The following RAG1 variants were observed in gnomAD, a reference collection of about 807,000 sequenced individuals.
The protein encoded by RAG1 is V(D)J recombination-activating protein 1.
RAG1 carries 35 observed loss-of-function variants against 62.7 expected under a neutral mutation model. That is an observed-to-expected ratio of 0.56 (90% CI 0.43 to 0.74). The LOEUF (loss-of-function observed/expected upper bound fraction) is 0.74. RAG1 is among the 30% of genes least tolerant of loss of function. The pLI, the probability that RAG1 is intolerant of heterozygous loss-of-function variation, is 0.00. For synonymous variants in RAG1, 461 were observed against 470.3 expected, an observed-to-expected ratio of 0.98 and a Z score of 0.26; for missense variants, 1,169 against 1,278.6, an observed-to-expected ratio of 0.91 and a Z score of 1.31.
chr11:36,548,446 G>A (rs1782760070), intron 3 of RAG1, among the ~76,000 whole-genome samples: 1 of 152,058 alleles, frequency 6.6e-6, no homozygotes. Flanking sequence ...AAATCAATGT[G>A]CAAAAATCAC....
At chr11:36,571,930 A>G (rs932074116) in intron 1 of RAG1, among the ~76,000 whole-genome samples, 2 of 152,128 alleles carry the variant, frequency 1.3e-5, no homozygotes, top group Non-Finnish European at 2.9e-5. Flanking sequence ...CAAAACACCA[A>G]TTTCTGATGT....
downstream of RAG1, among the ~76,000 whole-genome samples, chr11:36,539,156 G>A (rs945387046): frequency 6.6e-6 from 1 of 152,178 alleles, no homozygotes; most frequent in Non-Finnish European, 1.5e-5. Flanking sequence ...GCGGTCATAA[G>A]GGTGGGGTCT....
intron 3 of RAG1, among the ~76,000 whole-genome samples, chr11:36,562,311 T>C (rs1850601902): frequency 6.6e-6 from 1 of 152,096 alleles, no homozygotes; most frequent in Non-Finnish European, 1.5e-5. Context: ...GGATTGTGAG[T>C]TCTTGAGATA....
chr11:36,575,558 A>G lies in RAG1; in HGVS notation c.2254A>G (p.Ser752Gly). 6.2e-7 allele frequency: 1 copy of G among 1,614,210 alleles called. No homozygotes were observed. The highest frequency in any genetic ancestry group is 8.5e-7 in the Non-Finnish European group (1 of 1,180,038). ...TCTTGTCTTCCACTCTATAACCAGA[A>G]GCCATGCTGAGAACCTGGAACGTTA... is the stretch of plus-strand genomic sequence containing the variant. The part of the protein sequence containing the change: ...QNLVFHSITR[S>G]HAENLERYEV... Residue 752 changes from serine to glycine, a missense_variant, in exon 2 of 2, where the codon AGC (serine) becomes GGC (glycine). Ser to Gly is a moderately conservative substitution (Grantham distance 56, BLOSUM62 0). This residue lies in a region of RAG1 where 800 missense variants were observed against 943.3 expected (regional missense o/e 0.85). Transcript: ENST00000299440. This position sits in a 1 kb window ranked among gnomAD's most constrained non-coding sequence, Gnocchi z 4.1.
At chr11:36,511,484 A>G (rs1457545409) in intron 1 of RAG1, among the ~76,000 whole-genome samples, 5 of 152,156 alleles carry the variant, frequency 3.3e-5, no homozygotes, top group Admixed American at 1.3e-4. Flanking sequence ...AATAAACCCA[A>G]AACTAGGACA....
chr11:36,536,579 T>G (rs1465592024), downstream of RAG1, among the ~76,000 whole-genome samples: 4 of 152,082 alleles, frequency 2.6e-5, no homozygotes, highest in Admixed American at 2.6e-4. Context: ...TTAATCGTAC[T>G]GTGCATAAAA....
At chr11:36,536,425 A>T (rs1860327575), downstream of RAG1, among the ~76,000 whole-genome samples, 1 of 152,114 alleles carries the variant, frequency 6.6e-6, no homozygotes, top group African/African-American at 2.4e-5. Context: ...GCTCTTAGGG[A>T]GGTATTTATA....
intron 3 of RAG1, among the ~76,000 whole-genome samples, chr11:36,545,150 A>C (rs1284121317): frequency 2.0e-5 from 3 of 152,198 alleles, no homozygotes; most frequent in Admixed American, 6.5e-5. Flanking sequence ...TTTTTTACAC[A>C]TATCTTTTTT....
upstream of RAG1, among the ~76,000 whole-genome samples, chr11:36,564,610 TCTC>T (rs1850635571): frequency 1.3e-5 from 2 of 152,232 alleles, no homozygotes; most frequent in South Asian, 2.1e-4. Context: ...CCGCAGCAGA[TCTC>T]CTGAAAGCAT....
chr11:36,548,427 G>A (rs559890865), intron 3 of RAG1, among the ~76,000 whole-genome samples: 34 of 152,058 alleles, frequency 2.2e-4, no homozygotes, highest in African/African-American at 3.1e-4. Flanking sequence ...GCAAAGTCTC[G>A]GGATACAAAA....
chr11:36,558,636 C>T (rs1850537341), intron 3 of RAG1, among the ~76,000 whole-genome samples: 1 of 152,146 alleles, frequency 6.6e-6, no homozygotes, highest in Non-Finnish European at 1.5e-5. Flanking sequence ...TCCATCCTTT[C>T]ACTTTTCATC....
chr11:36,573,418 T>C lies in RAG1; in HGVS notation c.114T>C (p.Phe38=). Residue 38 remains phenylalanine, a synonymous_variant, in exon 2 of 2, where the codon TTT becomes TTC. Coordinates refer to ENST00000299440, the MANE Select transcript of RAG1 (RefSeq NM_000448.3). ...TTAAGCTGTTCCGGGTGAGATCCTT[T>C]GAAAAGACACCTGAAGAAGCTCAAA... is the stretch of plus-strand genomic sequence containing the variant. The part of the protein sequence containing the change: ...WKFKLFRVRS[F]EKTPEEAQKE... The C allele has an allele frequency of 6.2e-7, 1 of 1,614,056 alleles. No individual in the cohort carries two copies. Among genetic ancestry groups the C allele is most frequent in the Non-Finnish European group, 8.5e-7 (1 of 1,180,030 alleles).
chr11:36,560,039 G>A (rs1268835904), intron 3 of RAG1, among the ~76,000 whole-genome samples: 2 of 152,202 alleles, frequency 1.3e-5, no homozygotes, highest in Admixed American at 6.5e-5. Context: ...GTGTGAGTCT[G>A]TCCTATAGTG....
rs1226024902 is a variant in RAG1, at chr11:36,574,425, A to T, written c.1121A>T (p.His374Leu). 6.2e-7 allele frequency: 1 copy of T among 1,614,142 alleles called. No individual in the cohort carries two copies. The highest frequency in any genetic ancestry group is 1.7e-5 in the Admixed American group (1 of 60,018). Residue 374 changes from histidine (H) to leucine (L), a missense_variant, in exon 2 of 2, where the codon CAC (histidine) becomes CTC (leucine). Physicochemically the swap from His to Leu is moderately conservative, Grantham distance 99. Transcript: ENST00000299440. ...GAGGTCAGTTTGGAAAAATATAATC[A>T]CCACATCTCAAGTCACAAGGAATCA... is the stretch of plus-strand genomic sequence containing the variant. ...NEEVSLEKYN[H>L]HISSHKESKE...
chr11:36,559,340 T>A (rs1850549313), intron 3 of RAG1, among the ~76,000 whole-genome samples: 1 of 152,160 alleles, frequency 6.6e-6, no homozygotes, highest in Non-Finnish European at 1.5e-5. Flanking sequence ...ATAAAGTGCT[T>A]CAGAGAGAAT....
chr11:36,517,461 G>A, intron 1 of RAG1, among the ~76,000 whole-genome samples: 1 of 152,130 alleles, frequency 6.6e-6, no homozygotes, highest in East Asian at 1.9e-4. Context: ...AGGTTTATTA[G>A]AATGACAAAA....
intron 2 of RAG1, among the ~76,000 whole-genome samples, chr11:36,520,936 C>T (rs1860069658): frequency 6.6e-6 from 1 of 151,114 alleles, no homozygotes; most frequent in Admixed American, 6.6e-5. Context: ...TATGGTTTGG[C>T]CTGTGTCCCC....
At chr11:36,542,827 T>G (rs1850329205) in intron 3 of RAG1, among the ~76,000 whole-genome samples, 2 of 152,184 alleles carry the variant, frequency 1.3e-5, no homozygotes, top group African/African-American at 4.8e-5. Context: ...ACATAATTAT[T>G]GCTCTATATG....
At chr11:36,511,862 A>G (rs1859928342) in intron 1 of RAG1, among the ~76,000 whole-genome samples, 1 of 152,236 alleles carries the variant, frequency 6.6e-6, no homozygotes, top group Non-Finnish European at 1.5e-5. Flanking sequence ...GCTCTGGGGC[A>G]GGTTACATAA....
Sources: gnomAD v4.1 joint callset for allele counts (sites outside exome capture counted in the v4.1 genomes callset) on GRCh38, gnomAD v4.1.1 for gene constraint, gnomAD v4.1.1 regional missense constraint, Gnocchi (gnomAD v3.1) non-coding constraint, MANE v1.5 for transcripts, NCBI Gene and HGNC (gene_info 2026-07-23, HGNC 2026-07-21) for gene names.